The following CRYBB2 variants were observed in gnomAD, a reference collection of about 807,000 sequenced individuals.
CRYBB2 encodes the protein crystallin beta B2.
In CRYBB2, 12 loss-of-function variants were observed where a neutral mutation model predicts 24.3. The ratio of observed to expected loss-of-function variants is 0.49; its 90% CI spans 0.32 to 0.80. The LOEUF (loss-of-function observed/expected upper bound fraction) is 0.80, where lower values mean the gene tolerates loss of function less well. CRYBB2 is among the 30% of genes least tolerant of loss of function. The pLI, the probability that CRYBB2 is intolerant of heterozygous loss-of-function variation, is 0.04. For synonymous variants in CRYBB2, 98 were observed against 101.6 expected (o/e 0.96, Z 0.21); for missense variants, 198 against 268.5 (o/e 0.74, Z 1.83).
At chr22:25,221,581 C>T in intron 2 of CRYBB2, 98 bp downstream of exon 2, 2 of 839,188 alleles carry the variant, frequency 2.4e-6, no homozygotes, top group Non-Finnish European at 4.0e-6. Context: ...ATGGGTACCC[C>T]CTCTCGACCC....
At chr22:25,214,145 C>T (rs960847959) in intron 1 of CRYBB2, among the ~76,000 whole-genome samples, 2 of 152,130 alleles carry the variant, frequency 1.3e-5, no homozygotes, top group Admixed American at 6.6e-5. Context: ...TCGCGACCTA[C>T]CTGGACAACA....
chr22:25,227,463 G>A (rs557937101), intron 3 of CRYBB2, among the ~76,000 whole-genome samples: 4 of 151,724 alleles, frequency 2.6e-5, no homozygotes, highest in African/African-American at 9.7e-5. Context: ...CACAGTGGGA[G>A]CATTTACACC....
upstream of CRYBB2, among the ~76,000 whole-genome samples, chr22:25,212,469 C>T (rs372606513): frequency 6.6e-6 from 1 of 152,330 alleles, no homozygotes; most frequent in South Asian, 2.1e-4. Context: ...TCACTGCCCC[C>T]AGGAATCCAC....
At chr22:25,218,565 C>T (rs1935220200), upstream of CRYBB2, among the ~76,000 whole-genome samples, 1 of 150,946 alleles carries the variant, frequency 6.6e-6, no homozygotes, top group Non-Finnish European at 1.5e-5. Context: ...ACTGGTGAGG[C>T]TGAGGCAGGA....
At chr22:25,218,678 GAGAA>G (rs1397574712), upstream of CRYBB2, among the ~76,000 whole-genome samples, 31 of 108,834 alleles carry the variant, frequency 2.8e-4, 2 homozygotes, top group East Asian at 5.6e-3. Context: ...AAGAAAGAAA[GAGAA>G]AGAAAGAAAG....
chr22:25,231,748 T>C lies in CRYBB2; in HGVS notation c.594T>C (p.Arg198=), dbSNP rs1569022763. Residue 198 remains arginine (R), a synonymous_variant, in exon 6 of 6, where the codon CGT becomes CGC. Coordinates refer to ENST00000398215, the MANE Select transcript of CRYBB2 (RefSeq NM_000496.3). ...RRIRDMQWHQ[R]GAFHPSN ...TCCGCGACATGCAGTGGCACCAACG[T>C]GGTGCCTTCCACCCCTCCAACTAGT... is the stretch of plus-strand genomic sequence containing the variant. 2 of 1,613,926 alleles carry C rather than the reference T, an allele frequency of 1.2e-6. No individual in the cohort carries two copies. The highest frequency in any genetic ancestry group is 1.3e-5 in the African/African-American group (1 of 74,892).
chr22:25,231,281 A>G (rs973283949), intron 5 of CRYBB2, among the ~76,000 whole-genome samples: 2 of 151,726 alleles, frequency 1.3e-5, no homozygotes, highest in African/African-American at 4.8e-5. Context: ...GCTTATTCTA[A>G]GCTTCAGTGA....
chr22:25,229,031 CGT>C (rs200984455), intron 4 of CRYBB2, among the ~76,000 whole-genome samples: 1 of 143,408 alleles, frequency 7.0e-6, no homozygotes, highest in African/African-American at 2.6e-5. Flanking sequence ...CACGTGTGTG[CGT>C]GCGTGTGTGC....
At chr22:25,225,690 G>A (rs1935401020) in intron 3 of CRYBB2, among the ~76,000 whole-genome samples, 1 of 152,208 alleles carries the variant, frequency 6.6e-6, no homozygotes, top group Non-Finnish European at 1.5e-5. Flanking sequence ...GCCTCAGGAT[G>A]TAGGAATGTC....
chr22:25,229,969 G>A (rs5760926), intron 5 of CRYBB2, among the ~76,000 whole-genome samples: 12,714 of 141,634 alleles, frequency 0.09, 842 homozygotes, highest in Non-Finnish European at 0.13. Flanking sequence ...GCCTTTGACC[G>A]CGTGTGTCCC....
chr22:25,221,652 C>T (rs1398837005), intron 2 of CRYBB2, among the ~76,000 whole-genome samples, 169 bp downstream of exon 2: 1 of 152,244 alleles, frequency 6.6e-6, no homozygotes, highest in Non-Finnish European at 1.5e-5. Context: ...ACTGAAAGTC[C>T]CTCCCCAGCC....
chr22:25,214,564 T>C (rs1336476827), intron 1 of CRYBB2, among the ~76,000 whole-genome samples: 1 of 152,188 alleles, frequency 6.6e-6, no homozygotes. Context: ...AAAAAGTCTT[T>C]TAAAACATTG....
upstream of CRYBB2, among the ~76,000 whole-genome samples, chr22:25,218,763 GAGAGAGAGAGAGAGAGAAGAAAGA>G (rs1569016072): frequency 9.8e-3 from 356 of 36,302 alleles, 4 homozygotes; most frequent in East Asian, 0.036. Flanking sequence ...GAGAGAGAGA[GAGAGAGAGAGAGAGAGAAGAAAGA>G]AAGAAAGAAA....
At chr22:25,218,709 A>G (rs1170733548), upstream of CRYBB2, among the ~76,000 whole-genome samples, 5 of 37,026 alleles carry the variant, frequency 1.4e-4, no homozygotes, top group Non-Finnish European at 2.8e-4. Context: ...AGAGAGGGGG[A>G]GAGAGAGAGA....
At chr22:25,230,850 A>G (rs1935519432) in intron 5 of CRYBB2, among the ~76,000 whole-genome samples, 1 of 151,322 alleles carries the variant, frequency 6.6e-6, no homozygotes, top group Non-Finnish European at 1.5e-5. Flanking sequence ...AATCTAAGCT[A>G]CTTCCTTGGA....
At chr22:25,229,709 A>C in intron 5 of CRYBB2, 131 bp downstream of exon 5, 1 of 1,237,852 alleles carries the variant, frequency 8.1e-7, no homozygotes, top group Non-Finnish European at 1.1e-6. Context: ...CTGGCTTCCC[A>C]CTGGAAAGTA....
chr22:25,218,666 AAAAG>A (rs773757043), upstream of CRYBB2, among the ~76,000 whole-genome samples: 3 of 109,890 alleles, frequency 2.7e-5, no homozygotes, highest in Non-Finnish European at 5.4e-5. Context: ...ATTCCATCTC[AAAAG>A]AAAGAAAGAG....
upstream of CRYBB2, among the ~76,000 whole-genome samples, chr22:25,218,225 C>T (rs953173889): frequency 6.6e-6 from 1 of 150,606 alleles, no homozygotes. Flanking sequence ...TGCCACTGCA[C>T]TCCAGCCTGG....
chr22:25,225,114 T>C, intron 3 of CRYBB2, 78 bp downstream of exon 3: 1 of 833,146 alleles, frequency 1.2e-6, no homozygotes, highest in South Asian at 1.3e-5. Context: ...AATCTACCCT[T>C]GCTCCTGTCT....
Sources: gnomAD v4.1 joint callset for allele counts (sites outside exome capture counted in the v4.1 genomes callset) on GRCh38, gnomAD v4.1.1 for gene constraint, MANE v1.5 for transcripts, NCBI Gene and HGNC (gene_info 2026-07-23, HGNC 2026-07-21) for gene names.